SEC23A: variants seen among roughly 807,000 people sequenced by gnomAD.
SEC23A encodes the protein protein transport protein Sec23A.
In SEC23A, 56 loss-of-function variants were observed where a neutral mutation model predicts 103.7. The observed-to-expected ratio is 0.54, with a 90% CI of 0.44 to 0.67. The LOEUF (loss-of-function observed/expected upper bound fraction) is 0.67, where lower values mean the gene tolerates loss of function less well. SEC23A is among the 30% of genes least tolerant of loss of function. The pLI, the probability that SEC23A is intolerant of heterozygous loss-of-function variation, is 0.00. For missense variants in SEC23A, 784 were observed against 936.4 expected, an observed-to-expected ratio of 0.84 and a Z score of 2.12; for synonymous variants, 281 against 293.0, an observed-to-expected ratio of 0.96 and a Z score of 0.42.
At chr14:39,073,383 T>A (rs547546328) in intron 9 of SEC23A, among the ~76,000 whole-genome samples, 10 of 151,650 alleles carry the variant, frequency 6.6e-5, no homozygotes, top group Admixed American at 3.3e-4. Context: ...AACCTCCACC[T>A]CCAGGTTCAA....
chr14:39,064,554 GT>G (rs1390352165), intron 11 of SEC23A: 8 of 186,998 alleles, frequency 4.3e-5, no homozygotes, highest in Non-Finnish European at 5.7e-5. Flanking sequence ...ACTGGTGACA[GT>G]ACAAAAGTTT....
chr14:39,033,179 G>A lies in SEC23A; in HGVS notation c.*60C>T. On this transcript the variant is annotated 3_prime_UTR_variant, in exon 20 of 20. Coordinates refer to ENST00000307712, the MANE Select transcript of SEC23A (RefSeq NM_006364.4). The stretch of plus-strand genomic sequence containing the variant: ...GGTTTCCACAGATAAATGGAAAAAG[G>A]AAAAAATGAAATTTGAATATTATTT... The A allele has an allele frequency of 1.5e-6, 2 of 1,310,728 alleles. No homozygotes were observed. Among genetic ancestry groups the A allele is most frequent in the South Asian group, 2.4e-5 (2 of 84,546 alleles). The allele number at this position is 1,310,728 out of a possible 1,614,324, so 81.2% of individuals were successfully genotyped here.
intron 13 of SEC23A, among the ~76,000 whole-genome samples, chr14:39,055,629 TAAAC>T (rs957659718): frequency 1.3e-5 from 2 of 152,004 alleles, no homozygotes; most frequent in African/African-American, 2.4e-5. Flanking sequence ...AAAATAAAAT[TAAAC>T]AAGAGAAGGA....
intron 3 of SEC23A, chr14:39,092,964 T>C: frequency 2.1e-6 from 1 of 486,746 alleles, no homozygotes; most frequent in Non-Finnish European, 3.7e-6. Flanking sequence ...CCCGGGTTCA[T>C]GCCATTCTCC....
At position 39,070,825 on chromosome 14, in the gene SEC23A, G is replaced by A. The variant is rs146631212; in HGVS notation, c.1104-3529C>T. 8.8e-3 allele frequency among the ~76,000 whole-genome samples: 1,338 copies of A among 152,186 alleles called. 21 individuals carry two copies. The highest frequency in any genetic ancestry group is 0.031 in the African/African-American group (1,270 of 41,538). The stretch of plus-strand genomic sequence containing the variant: ...GTGGATCACCTGAGGTCAGGAGTCC[G>A]AGACTAGCCTGACCAACATGGTGAA... On this transcript the variant is annotated intron_variant, in intron 9 of 19. Transcript: ENST00000307712.
chr14:39,076,238 A>C (rs1419985486), intron 7 of SEC23A, 145 bp from the exon 8 acceptor site: 10 of 774,650 alleles, frequency 1.3e-5, no homozygotes, highest in Non-Finnish European at 2.0e-5. Context: ...TGAAATTTAA[A>C]AACAAAGGTA....
chr14:39,097,421 G>A (rs1225368007), intron 1 of SEC23A, among the ~76,000 whole-genome samples: 1 of 152,140 alleles, frequency 6.6e-6, no homozygotes, highest in African/African-American at 2.4e-5. Flanking sequence ...AACCCAACAT[G>A]GATGTTTAAA....
Position 39,047,366 on chromosome 14 carries a change from C to G in SEC23A, c.1737+1286G>C, listed in dbSNP as rs1413259242. On this transcript the variant is annotated intron_variant, in intron 15 of 19. Coordinates refer to ENST00000307712, the MANE Select transcript of SEC23A (RefSeq NM_006364.4). ...ATGACAAAACAAAGAATTTTACATGCCTTAAGACAAGCAGACCTTGCCTTT... is the reference window on the plus strand; with the variant it reads ...ATGACAAAACAAAGAATTTTACATGGCTTAAGACAAGCAGACCTTGCCTTT... 5 of 1,285,674 alleles carry G rather than the reference C, an allele frequency of 3.9e-6. No homozygotes were observed. The South Asian group carries it at 4.9e-5, about 13-fold the overall frequency. 79.6% of individuals were successfully genotyped at this position (1,285,674 alleles called of 1,614,324 possible).
intron 1 of SEC23A, among the ~76,000 whole-genome samples, chr14:39,102,167 G>A (rs1293939812): frequency 6.6e-6 from 1 of 152,026 alleles, no homozygotes; most frequent in Non-Finnish European, 1.5e-5. Context: ...GGGAGGCGGA[G>A]GTTGCAGTGA....
intron 13 of SEC23A, among the ~76,000 whole-genome samples, chr14:39,060,107 G>A (rs1181110295): frequency 2.6e-5 from 4 of 151,478 alleles, no homozygotes; most frequent in Non-Finnish European, 4.4e-5. Context: ...ACACACATGT[G>A]TGTGTGTGTG....
chr14:39,092,493 CA>C (rs1367578039), intron 4 of SEC23A, 47 bp downstream of exon 4: 4 of 1,019,676 alleles, frequency 3.9e-6, no homozygotes, highest in Admixed American at 3.8e-5. Flanking sequence ...ACAATTCTTT[CA>C]GTATAAATTT....
intron 13 of SEC23A, among the ~76,000 whole-genome samples, chr14:39,057,755 T>A (rs1886298486): frequency 6.6e-6 from 1 of 152,212 alleles, no homozygotes; most frequent in South Asian, 2.1e-4. Context: ...ACTTTAAAAT[T>A]TCATTTATTT....
intron 5 of SEC23A, 140 bp downstream of exon 5, chr14:39,091,337 C>A: frequency 1.5e-6 from 1 of 661,392 alleles, no homozygotes; most frequent in Non-Finnish European, 2.6e-6. Flanking sequence ...GAAGCCAGCA[C>A]TGAATTTAAA....
At chr14:39,087,478 AAC>A (rs1422783091) in intron 5 of SEC23A, 2 of 188,214 alleles carry the variant, frequency 1.1e-5, no homozygotes, top group Non-Finnish European at 1.1e-5. Context: ...GTAAAATTGC[AAC>A]AGTAGTAAAT....
intron 10 of SEC23A, among the ~76,000 whole-genome samples, chr14:39,065,792 A>G (rs1886639300): frequency 6.6e-6 from 1 of 152,084 alleles, no homozygotes; most frequent in Non-Finnish European, 1.5e-5. Context: ...CAAGGTCGGG[A>G]GTTCAAGACC....
At chr14:39,054,274 CAAA>C (rs111991914) in intron 14 of SEC23A, among the ~76,000 whole-genome samples, 1 of 115,548 alleles carries the variant, frequency 8.7e-6, no homozygotes, top group Admixed American at 8.9e-5. Context: ...GACCCTGTCT[CAAA>C]AAAAAAAAAA....
chr14:39,087,610 C>T (rs1209868403), intron 5 of SEC23A: 2 of 152,830 alleles, frequency 1.3e-5, no homozygotes, highest in African/African-American at 4.8e-5. Flanking sequence ...CAGATATGTG[C>T]ACAATTTCTC....
intron 14 of SEC23A, among the ~76,000 whole-genome samples, chr14:39,053,354 C>T (rs1886133872): frequency 6.6e-6 from 1 of 152,084 alleles, no homozygotes; most frequent in Non-Finnish European, 1.5e-5. Flanking sequence ...ATTTCTGCTA[C>T]AAAGAGAAAC....
chr14:39,033,856 T>C (rs762119679), intron 19 of SEC23A, among the ~76,000 whole-genome samples: 2 of 152,218 alleles, frequency 1.3e-5, no homozygotes, highest in Non-Finnish European at 2.9e-5. Flanking sequence ...CAGAATGATC[T>C]TGGTAACCCA....
Sources: gnomAD v4.1 joint callset for allele counts (sites outside exome capture counted in the v4.1 genomes callset) on GRCh38, gnomAD v4.1.1 for gene constraint, MANE v1.5 for transcripts, NCBI Gene and HGNC (gene_info 2026-07-23, HGNC 2026-07-21) for gene names.